NTAQ1: variants seen among roughly 807,000 people sequenced by gnomAD.
The protein encoded by NTAQ1 is N-terminal glutamine amidase 1.
In NTAQ1, 21 loss-of-function variants were observed where a neutral mutation model predicts 28.2. That is an observed-to-expected ratio of 0.74 (90% CI 0.53 to 1.07). The LOEUF is 1.07. Ranked by LOEUF, NTAQ1 falls within the 50% of genes least tolerant of loss-of-function variation. The probability of loss-of-function intolerance (pLI) is 0.00; values close to 1 mark genes in which losing one functional copy is unlikely to be tolerated. For synonymous variants in NTAQ1, 105 were observed against 90.0 expected (o/e 1.17, Z -0.94); for missense variants, 264 against 256.6 (o/e 1.03, Z -0.20).
intron 1 of NTAQ1, among the ~76,000 whole-genome samples, chr8:123,425,904 G>A (rs1814024040): frequency 6.6e-6 from 1 of 152,096 alleles, no homozygotes; most frequent in Non-Finnish European, 1.5e-5. Flanking sequence ...TGCATCTGTA[G>A]TCCCAGCTAC....
chr8:123,465,516 A>G (rs1428793732), intron 6 of NTAQ1, among the ~76,000 whole-genome samples: 3 of 151,720 alleles, frequency 2.0e-5, no homozygotes, highest in African/African-American at 7.3e-5. Flanking sequence ...AGTGTTCTGT[A>G]AATGGAATTG....
At chr8:123,468,258 C>G (rs919743080) in exon 7 of NTAQ1, among the ~76,000 whole-genome samples, 1 of 152,206 alleles carries the variant, frequency 6.6e-6, no homozygotes, top group Non-Finnish European at 1.5e-5. Context: ...ATAAAACTCA[C>G]TATCTTAAAG....
At chr8:123,428,911 T>C (rs989871410) in intron 2 of NTAQ1, among the ~76,000 whole-genome samples, 1 of 152,166 alleles carries the variant, frequency 6.6e-6, no homozygotes, top group Non-Finnish European at 1.5e-5. Flanking sequence ...CATTTTTTTT[T>C]CTTTTTTTAA....
chr8:123,419,752 CTCCCTTCCTTCCTTCCTTTCT>C (rs1332268935), intron 1 of NTAQ1, among the ~76,000 whole-genome samples: 1 of 92,522 alleles, frequency 1.1e-5, no homozygotes, highest in Non-Finnish European at 2.3e-5. Context: ...CCCTCCCTCC[CTCCCTTCCTTCCTTCCTTTCT>C]TCCCTCCCTC....
At chr8:123,440,087 T>A (rs1364420634) in intron 5 of NTAQ1, among the ~76,000 whole-genome samples, 2 of 150,764 alleles carry the variant, frequency 1.3e-5, no homozygotes, top group African/African-American at 4.9e-5. Context: ...GCTCCTACCT[T>A]GGCCTCCCAA....
At chr8:123,446,854 G>T (rs1389462283), downstream of NTAQ1, among the ~76,000 whole-genome samples, 1 of 152,220 alleles carries the variant, frequency 6.6e-6, no homozygotes, top group Non-Finnish European at 1.5e-5. Flanking sequence ...TAAGTGATTG[G>T]TTGGAGGAGT....
downstream of NTAQ1, among the ~76,000 whole-genome samples, chr8:123,451,982 C>A (rs1246353857): frequency 6.6e-6 from 1 of 152,224 alleles, no homozygotes; most frequent in African/African-American, 2.4e-5. Context: ...TACTCTTCCA[C>A]CTTTTGGTGT....
chr8:123,457,319 G>A (rs549317371), intron 6 of NTAQ1, among the ~76,000 whole-genome samples: 3 of 151,936 alleles, frequency 2.0e-5, no homozygotes, highest in Non-Finnish European at 4.4e-5. Context: ...CGCCTGCCTC[G>A]GCCTCCCAAA....
At chr8:123,430,081 C>T in intron 3 of NTAQ1, 48 bp downstream of exon 3, 1 of 1,452,770 alleles carries the variant, frequency 6.9e-7, no homozygotes. Flanking sequence ...ACTTGTAACC[C>T]CTTAGTGTTC....
At chr8:123,463,363 G>T (rs72709014) in intron 6 of NTAQ1, among the ~76,000 whole-genome samples, 25,738 of 152,060 alleles carry the variant, frequency 0.17, 2,824 homozygotes, top group Non-Finnish European at 0.25. Flanking sequence ...AATAAATTTT[G>T]TGTTCTCTTA....
chr8:123,441,021 C>T (rs867763980), intron 5 of NTAQ1, among the ~76,000 whole-genome samples: 1 of 144,078 alleles, frequency 6.9e-6, no homozygotes, highest in Non-Finnish European at 1.5e-5. Context: ...AAGAGAAGAT[C>T]AGTACTTAGC....
At chr8:123,449,320 T>G (rs1397489438), downstream of NTAQ1, among the ~76,000 whole-genome samples, 1 of 152,198 alleles carries the variant, frequency 6.6e-6, no homozygotes, top group African/African-American at 2.4e-5. Context: ...AGAAAATGAT[T>G]TACACAGGAC....
At chr8:123,446,412 A>G (rs138169511), downstream of NTAQ1, among the ~76,000 whole-genome samples, 10 of 152,300 alleles carry the variant, frequency 6.6e-5, no homozygotes, top group Non-Finnish European at 8.8e-5. Flanking sequence ...CAACTACTCA[A>G]CTCTGCCTTT....
chr8:123,423,839 G>A (rs1203200543), intron 1 of NTAQ1, among the ~76,000 whole-genome samples: 2 of 151,672 alleles, frequency 1.3e-5, no homozygotes, highest in South Asian at 2.1e-4. Flanking sequence ...GGTGCTTGTG[G>A]TATCTGTGGA....
chr8:123,429,468 C>T (rs1299613598), intron 2 of NTAQ1, among the ~76,000 whole-genome samples: 2 of 152,150 alleles, frequency 1.3e-5, no homozygotes, highest in South Asian at 2.1e-4. Context: ...ACTTGTGAGG[C>T]GGCTGAGGCG....
chr8:123,465,802 G>A (rs1008241226), intron 6 of NTAQ1, among the ~76,000 whole-genome samples: 7 of 151,798 alleles, frequency 4.6e-5, no homozygotes, highest in Non-Finnish European at 7.4e-5. Flanking sequence ...GGCTGGTCTC[G>A]GAACTCCAGG....
chr8:123,439,657 T>A (rs186411793), intron 5 of NTAQ1, among the ~76,000 whole-genome samples: 11 of 151,722 alleles, frequency 7.3e-5, no homozygotes, highest in Non-Finnish European at 1.0e-4. Flanking sequence ...ACCTGGTTAG[T>A]TTTTATATTT....
downstream of NTAQ1, among the ~76,000 whole-genome samples, chr8:123,443,309 C>T (rs1207729018): frequency 6.6e-6 from 1 of 152,152 alleles, no homozygotes; most frequent in African/African-American, 2.4e-5. Flanking sequence ...CATGAGCCAC[C>T]GCACCCGGCC....
chr8:123,419,790 T>TC (rs1563879351), intron 1 of NTAQ1, among the ~76,000 whole-genome samples: 1 of 105,270 alleles, frequency 9.5e-6, no homozygotes, highest in Non-Finnish European at 1.9e-5. Context: ...CCTCCCTCCC[T>TC]CCTTCCTTCA....
Sources: gnomAD v4.1 joint callset for allele counts (sites outside exome capture counted in the v4.1 genomes callset) on GRCh38, gnomAD v4.1.1 for gene constraint, MANE v1.5 for transcripts, NCBI Gene and HGNC (gene_info 2026-07-23, HGNC 2026-07-21) for gene names.